Variants in DPP10 observed in about 807,000 individuals in gnomAD.
The protein encoded by DPP10 is dipeptidyl peptidase like 10.
DPP10 carries 33 observed loss-of-function variants against 120.9 expected under a neutral mutation model. The observed-to-expected ratio is 0.27, with a 90% CI of 0.21 to 0.37. The LOEUF is 0.37. Ranked by LOEUF, DPP10 falls within the 10% of genes least tolerant of loss-of-function variation. The pLI is 1.00. For synonymous variants in DPP10, 337 were observed against 326.1 expected, an observed-to-expected ratio of 1.03 and a Z score of -0.36; for missense variants, 816 against 942.8, an observed-to-expected ratio of 0.87 and a Z score of 1.76.
At chr2:115,296,502 A>G (rs1022422953) in intron 1 of DPP10, among the ~76,000 whole-genome samples, 4 of 151,966 alleles carry the variant, frequency 2.6e-5, no homozygotes, top group African/African-American at 9.7e-5. Flanking sequence ...AGAGCAGGGG[A>G]ATGGGGGTTT....
intron 1 of DPP10, among the ~76,000 whole-genome samples, chr2:115,220,372 C>T (rs936007567): frequency 4.7e-5 from 5 of 106,846 alleles, no homozygotes; most frequent in African/African-American, 1.4e-4. Flanking sequence ...GTAGATCTTC[C>T]GTGTGACCTT....
chr2:114,922,244 C>A (rs1695250093), intron 1 of DPP10, among the ~76,000 whole-genome samples: 2 of 152,160 alleles, frequency 1.3e-5, no homozygotes, highest in African/African-American at 4.8e-5. Context: ...CTTATAGCAG[C>A]AGTCACCTCC....
chr2:114,677,475 T>C (rs1224023798), intron 1 of DPP10, among the ~76,000 whole-genome samples: 3 of 152,244 alleles, frequency 2.0e-5, no homozygotes, highest in African/African-American at 7.2e-5. Context: ...GAAAAATAAC[T>C]AACATTTATT....
chr2:115,572,928 G>A (rs957988954), intron 5 of DPP10, among the ~76,000 whole-genome samples: 1 of 152,104 alleles, frequency 6.6e-6, no homozygotes, highest in East Asian at 1.9e-4. Flanking sequence ...ATGGAGAGGA[G>A]CCTAGCTTTC....
At chr2:115,537,356 G>C (rs576258823) in intron 5 of DPP10, among the ~76,000 whole-genome samples, 46 of 152,074 alleles carry the variant, frequency 3.0e-4, no homozygotes, top group African/African-American at 1.1e-3. Flanking sequence ...CTTGCACATG[G>C]GGAGGCCACA....
intron 1 of DPP10, among the ~76,000 whole-genome samples, chr2:114,761,915 T>C (rs1244105265): frequency 6.6e-6 from 1 of 152,102 alleles, no homozygotes; most frequent in African/African-American, 2.4e-5. Flanking sequence ...TGTTTTCCTC[T>C]CTTGGATATT....
At chr2:114,932,551 G>T (rs1696156469) in intron 1 of DPP10, among the ~76,000 whole-genome samples, 1 of 152,152 alleles carries the variant, frequency 6.6e-6, no homozygotes, top group African/African-American at 2.4e-5. Flanking sequence ...CGACACAAAA[G>T]AATATGTATG....
At chr2:114,673,878 T>C (rs1698504622) in intron 1 of DPP10, among the ~76,000 whole-genome samples, 4 of 152,160 alleles carry the variant, frequency 2.6e-5, no homozygotes, top group Admixed American at 2.6e-4. Flanking sequence ...GTTTATTGTG[T>C]ATTAATACTG....
chr2:115,071,929 G>T (rs1444868852), intron 1 of DPP10, among the ~76,000 whole-genome samples: 4 of 152,056 alleles, frequency 2.6e-5, no homozygotes, highest in Non-Finnish European at 5.9e-5. Context: ...ACTGAGGCAA[G>T]ACCAGAAATG....
intron 1 of DPP10, among the ~76,000 whole-genome samples, chr2:115,050,984 A>G (rs1705434536): frequency 6.6e-6 from 1 of 152,156 alleles, no homozygotes; most frequent in South Asian, 2.1e-4. Flanking sequence ...ACAAACAATC[A>G]CCATAACAAA....
intron 19 of DPP10, among the ~76,000 whole-genome samples, chr2:115,803,532 G>T (rs1291415564): frequency 1.3e-5 from 2 of 152,136 alleles, no homozygotes; most frequent in Non-Finnish European, 2.9e-5. Flanking sequence ...AGTCTTCATG[G>T]TCTTTACAAT....
chr2:114,974,336 T>TAAC (rs1383545488), intron 1 of DPP10, among the ~76,000 whole-genome samples: 1 of 152,046 alleles, frequency 6.6e-6, no homozygotes, highest in African/African-American at 2.4e-5. Context: ...TTCAGTAGAG[T>TAAC]AACATGCTGT....
intron 1 of DPP10, among the ~76,000 whole-genome samples, chr2:114,713,085 C>T (rs544889946): frequency 1.1e-4 from 16 of 149,124 alleles, no homozygotes; most frequent in Non-Finnish European, 2.1e-4. Flanking sequence ...CTCCTGGGTT[C>T]AAGCGATTCT....
At chr2:114,701,059 T>G (rs1467963505) in intron 1 of DPP10, among the ~76,000 whole-genome samples, 2 of 152,086 alleles carry the variant, frequency 1.3e-5, no homozygotes, top group Admixed American at 6.6e-5. Flanking sequence ...GTTTTTCTCC[T>G]TGGTTAGGAC....
At chr2:115,339,499 A>T (rs1001403922) in intron 2 of DPP10, among the ~76,000 whole-genome samples, 1 of 152,200 alleles carries the variant, frequency 6.6e-6, no homozygotes, top group African/African-American at 2.4e-5. Context: ...ACAAAAATCT[A>T]TAAAAAAATG....
intron 5 of DPP10, among the ~76,000 whole-genome samples, chr2:115,604,213 G>A (rs779163626): frequency 5.3e-5 from 8 of 152,044 alleles, no homozygotes; most frequent in African/African-American, 7.2e-5. Flanking sequence ...GTTGGGTGAT[G>A]ACAGTGGATT....
intron 1 of DPP10, among the ~76,000 whole-genome samples, chr2:114,472,178 G>A (rs751264433): frequency 6.6e-6 from 1 of 152,150 alleles, no homozygotes; most frequent in Non-Finnish European, 1.5e-5. Context: ...ACCTAGAGGA[G>A]CAAACTTCTC....
intron 1 of DPP10, among the ~76,000 whole-genome samples, chr2:114,571,024 T>C (rs537230685): frequency 1.2e-4 from 19 of 152,112 alleles, no homozygotes; most frequent in Non-Finnish European, 2.6e-4. Context: ...ACTCATCTAC[T>C]GGATCATAGT....
At chr2:115,780,805 A>G (rs1397549657) in intron 15 of DPP10, 69 bp from the exon 16 acceptor site, 24 of 1,420,054 alleles carry the variant, frequency 1.7e-5, no homozygotes, top group Non-Finnish European at 2.1e-5. Context: ...ATATTTAAAT[A>G]TGAACACCAC....
Sources: allele counts gnomAD v4.1 joint callset (sites outside exome capture counted in the v4.1 genomes callset), GRCh38; gene constraint gnomAD v4.1.1; transcripts MANE v1.5; gene names NCBI Gene and HGNC (gene_info 2026-07-23, HGNC 2026-07-21).